Variants in ARHGAP40 observed in about 807,000 individuals in gnomAD.
ARHGAP40 encodes the protein Rho GTPase activating protein 40.
A neutral mutation model predicts 73.5 loss-of-function variants in ARHGAP40; 43 were observed. The observed-to-expected ratio is 0.58, with a 90% CI of 0.46 to 0.75. ARHGAP40 has a LOEUF of 0.75. Among genes scored for constraint, ARHGAP40 ranks in the 30% least tolerant of loss-of-function variants. The probability of loss-of-function intolerance (pLI) is 0.00; values close to 1 mark genes in which losing one functional copy is unlikely to be tolerated. For synonymous variants in ARHGAP40, 300 were observed against 352.8 expected (o/e 0.85, Z 1.68); for missense variants, 734 against 861.8 (o/e 0.85, Z 1.86).
intron 10 of ARHGAP40, 96 bp from the exon 11 acceptor site, chr20:38,643,608 T>C: frequency 2.8e-6 from 3 of 1,059,556 alleles, no homozygotes; most frequent in Non-Finnish European, 3.8e-6. Flanking sequence ...GGCTCCTTCC[T>C]AGCACCCCCT....
rs920653071 is a variant in ARHGAP40, at chr20:38,638,273, C to T, written c.1041+474C>T. ...GAGCTTGCAGTGAGCCGAGATCGCG[C>T]CACTGCACCCCAGCATGGGCAACAG... On this transcript the variant is annotated intron_variant, in intron 7 of 14. Coordinates refer to ENST00000373345, the Ensembl canonical transcript of ARHGAP40. Among the ~76,000 whole-genome samples the T allele has an allele frequency of 4.6e-5, 7 of 151,970 alleles. No homozygotes were observed. The East Asian group carries it at 1.4e-3, about 29-fold the overall frequency.
Position 38,646,462 on chromosome 20 carries a change from G to C in ARHGAP40, c.1710+275G>C, listed in dbSNP as rs2089054235. 6.6e-6 allele frequency among the ~76,000 whole-genome samples: 1 copy of C among 152,250 alleles called. No individual in the cohort carries two copies. The highest frequency in any genetic ancestry group is 2.1e-4 in the South Asian group (1 of 4,830). ...CCCCATTTTTCGGCAGCCCCTGGCC[G>C]AGGGTTGGGAAAATGGGAGTCGCTC... On this transcript the variant is annotated intron_variant, in intron 12 of 14. Transcript: ENST00000373345. This position sits in a 1 kb window ranked among gnomAD's most constrained non-coding sequence, Gnocchi z 4.5.
At chr20:38,617,694 CTG>C (rs2088850587) in intron 1 of ARHGAP40, among the ~76,000 whole-genome samples, 2 of 152,220 alleles carry the variant, frequency 1.3e-5, no homozygotes, top group African/African-American at 2.4e-5. Flanking sequence ...TCTTCATGCT[CTG>C]TGCTTGTAAG....
chr20:38,619,277 A>G (rs1331244328), intron 1 of ARHGAP40, among the ~76,000 whole-genome samples: 3 of 152,132 alleles, frequency 2.0e-5, no homozygotes, highest in African/African-American at 7.2e-5. Context: ...AGATGCGGTG[A>G]AAGGCCAGTA....
chr20:38,625,804 T>A (rs1181500123), intron 2 of ARHGAP40, among the ~76,000 whole-genome samples: 1 of 152,218 alleles, frequency 6.6e-6, no homozygotes, highest in African/African-American at 2.4e-5. Context: ...TCATGGCAGG[T>A]GATGTTGGAT....
chr20:38,619,167 G>T (rs1038340205), intron 1 of ARHGAP40, among the ~76,000 whole-genome samples: 2 of 152,134 alleles, frequency 1.3e-5, no homozygotes, highest in Non-Finnish European at 2.9e-5. Context: ...GAAGAAGGAG[G>T]TACGTGAGAC....
At chr20:38,615,119 G>C (rs1427155992) in intron 1 of ARHGAP40, 3 of 977,262 alleles carry the variant, frequency 3.1e-6, no homozygotes, top group Non-Finnish European at 5.0e-6. Flanking sequence ...ATATATCCTT[G>C]ACCAGGGTCC....
At chr20:38,623,802 C>G (rs1431930219) in intron 2 of ARHGAP40, among the ~76,000 whole-genome samples, 1 of 152,158 alleles carries the variant, frequency 6.6e-6, no homozygotes, top group Non-Finnish European at 1.5e-5. Flanking sequence ...TAGAGTAAGT[C>G]CTTCAGGAAA....
intron 3 of ARHGAP40, 136 bp downstream of exon 3, chr20:38,627,351 T>A: frequency 1.2e-6 from 1 of 815,774 alleles, no homozygotes; most frequent in Non-Finnish European, 1.7e-6. Context: ...TGGGTGTTGG[T>A]ATGTGTGTTG....
At position 38,646,300 on chromosome 20, in the gene ARHGAP40, C is replaced by G; in HGVS notation, c.1710+113C>G. 1 of 1,131,704 alleles carries G rather than the reference C, an allele frequency of 8.8e-7. No homozygotes were observed. Among genetic ancestry groups the G allele is most frequent in the Non-Finnish European group, 1.1e-6 (1 of 895,666 alleles). 70.1% of individuals were successfully genotyped at this position (1,131,704 alleles called of 1,614,324 possible). A position where few individuals can be genotyped will look rare whatever the true frequency, so the allele number is the denominator to read the frequency against. On this transcript the variant is annotated intron_variant, in intron 12 of 14. Coordinates refer to ENST00000373345, the Ensembl canonical transcript of ARHGAP40. This position sits in a 1 kb window ranked among gnomAD's most constrained non-coding sequence, Gnocchi z 4.5. Reference sequence around the variant, plus strand: ...CCGCTACCGGGCTGCCAGCAACGGCCCAGTGAGGCCACCAGGGGGCGTTGC... The same window carrying G: ...CCGCTACCGGGCTGCCAGCAACGGCGCAGTGAGGCCACCAGGGGGCGTTGC...
intron 13 of ARHGAP40, among the ~76,000 whole-genome samples, chr20:38,647,620 T>A (rs2089063021): frequency 6.6e-6 from 1 of 152,168 alleles, no homozygotes; most frequent in South Asian, 2.1e-4. Context: ...GTCAAACTCC[T>A]GACCTCAAGT....
chr20:38,619,917 GA>G (rs2088865376), intron 1 of ARHGAP40, among the ~76,000 whole-genome samples: 1 of 151,968 alleles, frequency 6.6e-6, no homozygotes, highest in Admixed American at 6.6e-5. Flanking sequence ...CTACTGAAAT[GA>G]AAAATTAACT....
At chr20:38,608,085 C>T (rs1269861310) in intron 1 of ARHGAP40, among the ~76,000 whole-genome samples, 1 of 152,140 alleles carries the variant, frequency 6.6e-6, no homozygotes, top group East Asian at 1.9e-4. Flanking sequence ...AGTTTTAAGT[C>T]TTGATGTAAT....
chr20:38,629,636 A>C lies in ARHGAP40; in HGVS notation c.769A>C (p.Lys257Gln), dbSNP rs754987144. Residue 257 changes from lysine to glutamine, a missense_variant, in exon 5 of 15, where the codon AAG (lysine) becomes CAG (glutamine). Lys to Gln is a moderately conservative substitution (Grantham distance 53). Transcript: ENST00000373345. ...CCGGGGAGGCACCTCTGCCTGGGGC[A>C]AGTGTTCCCTGCCGGTGAGGATGCT... The C allele has an allele frequency of 1.3e-5, 17 of 1,305,294 alleles. 1 individual carries two copies. In the South Asian group the frequency reaches 1.6e-4, roughly 12 times the overall value. 80.9% of individuals were successfully genotyped at this position (1,305,294 alleles called of 1,614,324 possible).
At chr20:38,615,611 A>G in intron 1 of ARHGAP40, 1 of 457,672 alleles carries the variant, frequency 2.2e-6, no homozygotes, top group Non-Finnish European at 4.0e-6. Context: ...TCTATCCTTT[A>G]TTGATTCCTG....
At chr20:38,623,957 C>T (rs1433027245) in intron 2 of ARHGAP40, among the ~76,000 whole-genome samples, 1 of 152,224 alleles carries the variant, frequency 6.6e-6, no homozygotes, top group Non-Finnish European at 1.5e-5. Context: ...ATCTCTCCAT[C>T]TATCTCAGAG....
At chr20:38,612,856 T>G (rs947272370) in intron 1 of ARHGAP40, among the ~76,000 whole-genome samples, 2 of 152,146 alleles carry the variant, frequency 1.3e-5, no homozygotes, top group Non-Finnish European at 2.9e-5. Flanking sequence ...ACAATCTAAG[T>G]GACTCAGGAA....
At chr20:38,636,669 AT>A (rs1555792351) in intron 6 of ARHGAP40, among the ~76,000 whole-genome samples, 1 of 152,194 alleles carries the variant, frequency 6.6e-6, no homozygotes, top group Non-Finnish European at 1.5e-5. Flanking sequence ...TGTCTTTCCT[AT>A]TATAAGACAC....
Position 38,616,650 on chromosome 20 carries a change from G to A in ARHGAP40, c.138-6709G>A, listed in dbSNP as rs755219505. 2.6e-5 allele frequency among the ~76,000 whole-genome samples: 4 copies of A among 152,194 alleles called. 1 individual carries two copies. The highest frequency in any genetic ancestry group is 1.3e-4 in the Admixed American group (2 of 15,282). On this transcript the variant is annotated intron_variant, in intron 1 of 14. Coordinates refer to ENST00000373345, the Ensembl canonical transcript of ARHGAP40. ...GTAACCTTGCAGAAGTCACTTTATC[G>A]CTGTGCCTCTGTTTGACCATCTGTG...
Sources: allele counts gnomAD v4.1 joint callset (sites outside exome capture counted in the v4.1 genomes callset), GRCh38; gene constraint gnomAD v4.1.1; non-coding constraint Gnocchi (gnomAD v3.1); transcripts MANE v1.5; gene names NCBI Gene and HGNC (gene_info 2026-07-23, HGNC 2026-07-21).